ATR: variants seen among roughly 807,000 people sequenced by gnomAD.
The protein encoded by ATR is serine/threonine-protein kinase ATR.
In ATR, 142 loss-of-function variants were observed where a neutral mutation model predicts 305.3. The observed-to-expected ratio is 0.47, with a 90% CI of 0.41 to 0.53. ATR has a LOEUF of 0.53. Ranked by LOEUF, ATR falls within the 20% of genes least tolerant of loss-of-function variation. ATR has a pLI of 0.00. For missense variants in ATR, 2,135 were observed against 3,133.1 expected (o/e 0.68, Z 7.60); for synonymous variants, 1,050 against 1,068.1 (o/e 0.98, Z 0.33).
chr3:142,577,959 G>A (rs936542735), intron 1 of ATR, among the ~76,000 whole-genome samples: 2 of 152,154 alleles, frequency 1.3e-5, no homozygotes, highest in Non-Finnish European at 2.9e-5. Flanking sequence ...ATTTGCAAAT[G>A]AAATATTAAA....
At chr3:142,475,451 T>C (rs2071412736) in intron 36 of ATR, among the ~76,000 whole-genome samples, 1 of 152,214 alleles carries the variant, frequency 6.6e-6, no homozygotes, top group Admixed American at 6.5e-5. Flanking sequence ...GGCTGCATAG[T>C]ATTCCATGGG....
intron 29 of ATR, among the ~76,000 whole-genome samples, chr3:142,504,243 C>G (rs566243609): frequency 6.6e-6 from 1 of 152,104 alleles, no homozygotes; most frequent in African/African-American, 2.4e-5. Context: ...ATTTTAGAGA[C>G]GTGCAGGTGG....
intron 1 of ATR, among the ~76,000 whole-genome samples, chr3:142,571,018 A>G (rs754109339): frequency 7.9e-5 from 12 of 152,196 alleles, no homozygotes; most frequent in Non-Finnish European, 1.8e-4. Context: ...GTAAAAAGAC[A>G]ATCCTTGGAC....
intron 1 of ATR, among the ~76,000 whole-genome samples, chr3:142,572,048 G>A (rs2035283037): frequency 6.6e-6 from 1 of 151,226 alleles, no homozygotes; most frequent in African/African-American, 2.4e-5. Context: ...TTACAGGCGT[G>A]AGCCACCGCA....
intron 17 of ATR, among the ~76,000 whole-genome samples, chr3:142,541,345 A>C (rs1327837017): frequency 6.6e-6 from 1 of 152,192 alleles, no homozygotes; most frequent in Non-Finnish European, 1.5e-5. Flanking sequence ...CATATTGTTT[A>C]ATTTCTTTCA....
At position 142,498,614 on chromosome 3, in the gene ATR, T is replaced by C. The variant is rs2031778864; in HGVS notation, c.5541A>G (p.Gly1847=). ...ASFERGSYQR[G]YEYIVRLHML... Reference sequence around the variant, plus strand: ...CAAAATACCTCACAATATATTCATATCCTCGTTGGTAGGAGCCTCTTTCAA... The same window carrying C: ...CAAAATACCTCACAATATATTCATACCCTCGTTGGTAGGAGCCTCTTTCAA... Residue 1847 remains glycine, a synonymous_variant, in exon 32 of 47, where the codon GGA becomes GGG. Coordinates refer to ENST00000350721, the MANE Select transcript of ATR (RefSeq NM_001184.4). 6.2e-7 allele frequency: 1 copy of C among 1,613,614 alleles called. No individual in the cohort carries two copies. The highest frequency in any genetic ancestry group is 8.5e-7 in the Non-Finnish European group (1 of 1,179,980).
chr3:142,534,597 C>T lies in ATR; in HGVS notation c.3945+483G>A, dbSNP rs149815404. Among the ~76,000 whole-genome samples, 955 of 152,196 alleles carry T rather than the reference C, an allele frequency of 6.3e-3. 5 individuals are homozygous for T. Among genetic ancestry groups the T allele is most frequent in the Non-Finnish European group, 0.01 (690 of 68,008 alleles). ...TATTTTAAATACCAGTTCTCACTATCATCAAGTTTAGGGATAATCTACATT... is the reference window on the plus strand; with the variant it reads ...TATTTTAAATACCAGTTCTCACTATTATCAAGTTTAGGGATAATCTACATT... On this transcript the variant is annotated intron_variant, in intron 21 of 46. Coordinates refer to ENST00000350721, the MANE Select transcript of ATR (RefSeq NM_001184.4).
At chr3:142,498,804 T>C (rs2108342125) in intron 31 of ATR, 30 bp from the exon 32 acceptor site, 1 of 1,607,828 alleles carries the variant, frequency 6.2e-7, no homozygotes, top group Non-Finnish European at 8.5e-7. Context: ...TCAAGAAATG[T>C]CACGGTAGCT....
chr3:142,479,582 CG>C (rs2030255620), intron 36 of ATR, among the ~76,000 whole-genome samples: 1 of 152,038 alleles, frequency 6.6e-6, no homozygotes, highest in Non-Finnish European at 1.5e-5. Context: ...TTGCTCTTCT[CG>C]AGGAGTATCT....
intron 32 of ATR, among the ~76,000 whole-genome samples, chr3:142,498,322 TG>T (rs1453589006): frequency 6.6e-6 from 1 of 152,226 alleles, no homozygotes; most frequent in African/African-American, 2.4e-5. Context: ...ATATTATATT[TG>T]GTTATATAGA....
At chr3:142,512,503 C>T (rs2108372924) in intron 26 of ATR, 33 bp from the exon 27 acceptor site, 1 of 1,455,568 alleles carries the variant, frequency 6.9e-7, no homozygotes, top group Non-Finnish European at 9.4e-7. Flanking sequence ...ATAATAATAT[C>T]TATATAATAC....
At position 142,562,523 on chromosome 3, in the gene ATR, C is replaced by T. The variant is rs1480572250; in HGVS notation, c.879G>A (p.Glu293=). The T allele has an allele frequency of 6.2e-7, 1 of 1,613,612 alleles. No individual in the cohort carries two copies. Among genetic ancestry groups the T allele is most frequent in the East Asian group, 2.2e-5 (1 of 44,890 alleles). Residue 293 remains glutamate, a synonymous_variant, in exon 4 of 47, where the codon GAG becomes GAA. Transcript: ENST00000350721. The part of the protein sequence containing the change: ...MDTDQLKLYE[E]PLSKLIKTLF... ...GTGTCTTTATCAGCTTTGATAATGGCTCTTCATAGAGTTTCAATTGGTCAG... is the reference window on the plus strand; with the variant it reads ...GTGTCTTTATCAGCTTTGATAATGGTTCTTCATAGAGTTTCAATTGGTCAG...
At chr3:142,537,677 G>A (rs2033906893) in intron 19 of ATR, among the ~76,000 whole-genome samples, 1 of 152,084 alleles carries the variant, frequency 6.6e-6, no homozygotes, top group Non-Finnish European at 1.5e-5. Flanking sequence ...AGGTAAATAA[G>A]TAGTACTTCA....
intron 23 of ATR, among the ~76,000 whole-genome samples, chr3:142,522,151 A>C (rs922808278): frequency 2.0e-5 from 3 of 152,220 alleles, no homozygotes; most frequent in Non-Finnish European, 4.4e-5. Context: ...AACCATTATG[A>C]CTTGCGAAGG....
intron 29 of ATR, 23 bp from the exon 30 acceptor site, chr3:142,503,476 A>C: frequency 6.8e-7 from 1 of 1,475,812 alleles, no homozygotes; most frequent in East Asian, 2.3e-5. Context: ...AAATATTTAA[A>C]ATAGCAATTA....
chr3:142,524,247 G>T lies in ATR; in HGVS notation c.3946-48C>A, dbSNP rs112226233. The T allele has an allele frequency of 0.02, 29,206 of 1,496,796 alleles. 373 individuals carry two copies. The highest frequency in any genetic ancestry group is 0.041 in the South Asian group (3,498 of 86,272). 92.7% of individuals were successfully genotyped at this position (1,496,796 alleles called of 1,614,324 possible). A position where few individuals can be genotyped will look rare whatever the true frequency, so the allele number is the denominator to read the frequency against. ...ATTTATACGTAATTTCTACAAACTA[G>T]TATGTTTTCCTGAGCTAGGAAGCTT... On this transcript the variant is annotated intron_variant, in intron 21 of 46. Transcript: ENST00000350721.
chr3:142,483,148 G>T (rs1367576045), intron 36 of ATR, among the ~76,000 whole-genome samples: 1 of 150,610 alleles, frequency 6.6e-6, no homozygotes, highest in Non-Finnish European at 1.5e-5. Context: ...TAGGACTACA[G>T]GCACACACCA....
At chr3:142,547,619 G>T in intron 16 of ATR, 106 bp downstream of exon 16, 1 of 1,280,312 alleles carries the variant, frequency 7.8e-7, no homozygotes, top group South Asian at 1.3e-5. Context: ...TTAAACAAAT[G>T]GCTAGCAGCC....
At chr3:142,554,374 T>C (rs1400568701) in intron 10 of ATR, among the ~76,000 whole-genome samples, 1 of 151,952 alleles carries the variant, frequency 6.6e-6, no homozygotes, top group African/African-American at 2.4e-5. Flanking sequence ...ACCACAGGCA[T>C]GCACCACCAT....
Sources: allele counts gnomAD v4.1 joint callset (sites outside exome capture counted in the v4.1 genomes callset), GRCh38; gene constraint gnomAD v4.1.1; transcripts MANE v1.5; gene names NCBI Gene and HGNC (gene_info 2026-07-23, HGNC 2026-07-21).